Variants in CRPPA observed in about 807,000 individuals in gnomAD.
CRPPA encodes D-ribitol-5-phosphate cytidylyltransferase.
A neutral mutation model predicts 52.0 loss-of-function variants in CRPPA; 43 were observed. The observed-to-expected ratio is 0.83, with a 90% CI of 0.65 to 1.07. The LOEUF is 1.07. CRPPA is among the 50% of genes least tolerant of loss of function. The pLI, the probability that CRPPA is intolerant of heterozygous loss-of-function variation, is 0.00. For synonymous variants in CRPPA, 250 were observed against 203.5 expected (o/e 1.23, Z -1.94); for missense variants, 629 against 551.7 (o/e 1.14, Z -1.40).
At chr7:16,196,223 G>A (rs893979017) in intron 9 of CRPPA, among the ~76,000 whole-genome samples, 1 of 152,136 alleles carries the variant, frequency 6.6e-6, no homozygotes, top group Non-Finnish European at 1.5e-5. Context: ...ATCTAGTTCA[G>A]TCACTTATTA....
Position 16,301,464 on chromosome 7 carries a change from C to T in CRPPA, c.792G>A (p.Val264=), listed in dbSNP as rs751050965. ...LVEGSPDLWK[V]TYKRDLYAAE... ...CCGCATAGAGATCTCGTTTGTAGGT[C>T]ACCTAAAGGACAGATAAACTTCATT... The change falls in exon 5 of 10, where the codon GTG becomes GTA. Residue 264 remains valine (V), a splice_region_variant and synonymous_variant. Transcript: ENST00000407010. The T allele has an allele frequency of 6.2e-7, 1 of 1,611,444 alleles. No homozygotes were observed. Among genetic ancestry groups the T allele is most frequent in the Non-Finnish European group, 8.5e-7 (1 of 1,178,148 alleles).
chr7:16,225,781 A>G (rs1450954155), intron 8 of CRPPA, among the ~76,000 whole-genome samples: 1 of 151,998 alleles, frequency 6.6e-6, no homozygotes, highest in Admixed American at 6.6e-5. Context: ...ATAAATAAAG[A>G]GGACTTCTGC....
At chr7:16,147,521 A>C (rs1471709340) in intron 9 of CRPPA, among the ~76,000 whole-genome samples, 3 of 152,314 alleles carry the variant, frequency 2.0e-5, no homozygotes, top group South Asian at 4.1e-4. Flanking sequence ...TCATTTATGC[A>C]CTTACTTATC....
In CRPPA at chr7:16,421,385, C is replaced by T; in HGVS notation, c.-63G>A. 1 of 1,213,398 alleles carries T rather than the reference C, an allele frequency of 8.2e-7. No individual in the cohort carries two copies. Among genetic ancestry groups the T allele is most frequent in the Admixed American group, 4.3e-5 (1 of 23,040 alleles). The allele number at this position is 1,213,398 out of a possible 1,614,324, so 75.2% of individuals were successfully genotyped here. ...CCGATGCGACCCCGCGCTGCTCCCA[C>T]CCTCGGCCGGGGTCGCGGGGCGAAG... On this transcript the variant is annotated 5_prime_UTR_variant, in exon 1 of 10. In the 5' UTR this introduces an upstream ATG that the reference lacks. Coordinates refer to ENST00000407010, the MANE Select transcript of CRPPA (RefSeq NM_001101426.4).
intron 4 of CRPPA, among the ~76,000 whole-genome samples, chr7:16,303,491 A>AAAAAAAAAAAAAAAAAAAAAAC (rs766268683): frequency 3.6e-4 from 45 of 124,926 alleles, no homozygotes; most frequent in East Asian, 1.2e-3. Context: ...AAAAAAAAAA[A>AAAAAAAAAAAAAAAAAAAAAAC]AAAAAAAAAA....
chr7:16,400,965 C>A (rs1168212406), intron 2 of CRPPA, among the ~76,000 whole-genome samples: 1 of 152,186 alleles, frequency 6.6e-6, no homozygotes, highest in African/African-American at 2.4e-5. Flanking sequence ...ACCACCCTCC[C>A]AGCACAGCCC....
intron 3 of CRPPA, among the ~76,000 whole-genome samples, chr7:16,334,214 T>C (rs1446501047): frequency 1.3e-5 from 2 of 152,306 alleles, no homozygotes; most frequent in East Asian, 3.9e-4. Context: ...GCTTCCCGCA[T>C]AGCCCAGGTG....
intron 9 of CRPPA, among the ~76,000 whole-genome samples, chr7:16,160,947 GT>G (rs1783290600): frequency 6.6e-6 from 1 of 152,132 alleles, no homozygotes; most frequent in Non-Finnish European, 1.5e-5. Context: ...GTTTGCTCAT[GT>G]TTTGGCTCTC....
At chr7:16,180,618 C>A (rs748151633) in intron 9 of CRPPA, among the ~76,000 whole-genome samples, 2 of 152,048 alleles carry the variant, frequency 1.3e-5, no homozygotes, top group African/African-American at 4.8e-5. Flanking sequence ...ATTCATCTAA[C>A]AATATTTTCT....
intron 5 of CRPPA, among the ~76,000 whole-genome samples, chr7:16,294,813 G>A (rs1472579265): frequency 2.0e-5 from 3 of 151,966 alleles, no homozygotes; most frequent in African/African-American, 4.8e-5. Flanking sequence ...GAAAAAGCCT[G>A]ATGAGAACAT....
intron 3 of CRPPA, among the ~76,000 whole-genome samples, chr7:16,336,877 C>T (rs1040578629): frequency 2.6e-5 from 4 of 151,778 alleles, no homozygotes; most frequent in African/African-American, 9.7e-5. Context: ...TCAAGGCCCA[C>T]AAAGAGACAA....
At chr7:16,217,336 G>C (rs970057165) in intron 8 of CRPPA, among the ~76,000 whole-genome samples, 1 of 152,044 alleles carries the variant, frequency 6.6e-6, no homozygotes, top group Admixed American at 6.5e-5. Context: ...CCACAAAGAT[G>C]GGGAAAAGAC....
intron 9 of CRPPA, among the ~76,000 whole-genome samples, chr7:16,145,936 C>T (rs987014618): frequency 5.9e-5 from 9 of 151,934 alleles, no homozygotes; most frequent in Non-Finnish European, 1.2e-4. Context: ...CCCAATGTCT[C>T]GGAAGGGAAT....
chr7:16,383,282 C>T (rs1787162571), intron 2 of CRPPA, among the ~76,000 whole-genome samples: 1 of 152,240 alleles, frequency 6.6e-6, no homozygotes, highest in African/African-American at 2.4e-5. Flanking sequence ...GCCTGGGTAT[C>T]AGCAGCGGTG....
chr7:16,171,395 T>C (rs889973114), intron 9 of CRPPA, among the ~76,000 whole-genome samples: 1 of 152,226 alleles, frequency 6.6e-6, no homozygotes, highest in Non-Finnish European at 1.5e-5. Flanking sequence ...TTGTTGATTT[T>C]TAAACTCAAA....
chr7:16,239,982 C>T lies in CRPPA; in HGVS notation c.1119+18408G>A, dbSNP rs558241021. 1.1e-4 allele frequency among the ~76,000 whole-genome samples: 17 copies of T among 152,024 alleles called. No homozygotes were observed. The South Asian group carries it at 2.7e-3, about 24-fold the overall frequency. The stretch of plus-strand genomic sequence containing the variant: ...TTACCATTAAAAGAATGAATACTAG[C>T]GAGGTATGCCCTATGAGAATCATTT... On this transcript the variant is annotated intron_variant, in intron 8 of 9. Coordinates refer to ENST00000407010, the MANE Select transcript of CRPPA (RefSeq NM_001101426.4).
chr7:16,132,201 CT>C lies in CRPPA; in HGVS notation c.1252-40403del, dbSNP rs931021182. On this transcript the variant is annotated intron_variant, in intron 9 of 9. Coordinates refer to ENST00000407010, the MANE Select transcript of CRPPA (RefSeq NM_001101426.4). The stretch of plus-strand genomic sequence containing the variant: ...AATGGCATTTGCCTTAGGTTTTGAA[CT>C]TACATAGGACTGGTTACTCCTTTCT... Among the ~76,000 whole-genome samples, 5 of 64,000 alleles carry C rather than the reference CT, an allele frequency of 7.8e-5. 1 individual carries two copies. The highest frequency in any genetic ancestry group is 1.8e-4 in the African/African-American group (5 of 27,148). The allele number at this position is 64,000 out of a possible 152,430, so 42.0% of individuals were successfully genotyped here. A position where few individuals can be genotyped will look rare whatever the true frequency, so the allele number is the denominator to read the frequency against.
At chr7:16,092,739 T>G (rs891479998) in intron 9 of CRPPA, among the ~76,000 whole-genome samples, 2 of 152,136 alleles carry the variant, frequency 1.3e-5, no homozygotes, top group African/African-American at 4.8e-5. Context: ...CTGACTAAAA[T>G]CCTTTGAAGA....
intron 3 of CRPPA, among the ~76,000 whole-genome samples, chr7:16,354,286 T>C (rs537033119): frequency 4.5e-4 from 68 of 152,296 alleles, no homozygotes; most frequent in African/African-American, 1.5e-3. Flanking sequence ...CAACATTCAA[T>C]ATGTAGCTCA....
Sources: allele counts gnomAD v4.1 joint callset (sites outside exome capture counted in the v4.1 genomes callset), GRCh38; gene constraint gnomAD v4.1.1; transcripts MANE v1.5; gene names NCBI Gene and HGNC (gene_info 2026-07-23, HGNC 2026-07-21).